DYM: variants seen among roughly 807,000 people sequenced by gnomAD.
DYM encodes the protein dymeclin, also known as dyggve-Melchior-Clausen syndrome protein.
A neutral mutation model predicts 93.1 loss-of-function variants in DYM; 78 were observed. That is an observed-to-expected ratio of 0.84 (90% confidence interval 0.70 to 1.01). DYM has a LOEUF of 1.01. Among genes scored for constraint, DYM ranks in the 50% least tolerant of loss-of-function variants. The pLI is 0.00. For missense variants in DYM, 789 were observed against 845.0 expected (o/e 0.93, Z 0.82); for synonymous variants, 321 against 319.7 (o/e 1.00, Z -0.04).
At chr18:49,235,001 C>G (rs1421526566) in intron 13 of DYM, among the ~76,000 whole-genome samples, 5 of 152,156 alleles carry the variant, frequency 3.3e-5, no homozygotes, top group Non-Finnish European at 7.3e-5. Context: ...CTAGATTCTG[C>G]CAACAACCTT....
At chr18:49,349,080 C>T (rs531543753) in intron 6 of DYM, among the ~76,000 whole-genome samples, 76 of 151,968 alleles carry the variant, frequency 5.0e-4, no homozygotes, top group African/African-American at 1.7e-3. Flanking sequence ...TGGTGGTGGG[C>T]GCCTGTAATC....
intron 1 of DYM, among the ~76,000 whole-genome samples, chr18:49,434,172 C>T (rs576670112): frequency 1.1e-4 from 17 of 152,086 alleles, no homozygotes; most frequent in Middle Eastern, 3.4e-3. Context: ...GGTGAAACCC[C>T]GTCTCTACTA....
chr18:49,103,979 T>A (rs1044454799), intron 16 of DYM, among the ~76,000 whole-genome samples: 1 of 152,174 alleles, frequency 6.6e-6, no homozygotes, highest in East Asian at 1.9e-4. Context: ...GGGGATGGCA[T>A]TGAATCTCTA....
chr18:49,445,030 A>C (rs1406960086), intron 1 of DYM, among the ~76,000 whole-genome samples: 1 of 152,206 alleles, frequency 6.6e-6, no homozygotes, highest in East Asian at 1.9e-4. Flanking sequence ...AAAAACATTC[A>C]TTCTTCTCAT....
intron 17 of DYM, among the ~76,000 whole-genome samples, chr18:49,059,771 G>GA (rs2075802229): frequency 6.6e-6 from 1 of 152,016 alleles, no homozygotes; most frequent in Non-Finnish European, 1.5e-5. Flanking sequence ...CCAAAGTGGG[G>GA]AAAATAATAC....
chr18:49,081,329 C>T lies in DYM; in HGVS notation c.2025+16073G>A, dbSNP rs894810600. Among the ~76,000 whole-genome samples, 42 of 151,808 alleles carry T rather than the reference C, an allele frequency of 2.8e-4. 1 individual carries two copies. The highest frequency in any genetic ancestry group is 9.9e-4 in the African/African-American group (41 of 41,430). On this transcript the variant is annotated intron_variant, in intron 17 of 17. Coordinates refer to ENST00000675505, the MANE Select transcript of DYM (RefSeq NM_001353214.3). ...CCAGCCCGGCCAACACAGCGAAACC[C>T]CGTCTCCACCAAAAAAGTACGAAAA... is the stretch of plus-strand genomic sequence containing the variant.
intron 16 of DYM, among the ~76,000 whole-genome samples, chr18:49,105,394 T>C (rs1205208885): frequency 1.3e-5 from 2 of 152,230 alleles, no homozygotes; most frequent in Non-Finnish European, 2.9e-5. Flanking sequence ...GGGTTTTTTG[T>C]GTCTCTATCT....
At chr18:49,310,587 G>T (rs889810363) in intron 8 of DYM, among the ~76,000 whole-genome samples, 10 of 152,088 alleles carry the variant, frequency 6.6e-5, no homozygotes, top group Non-Finnish European at 1.5e-4. Context: ...GTGGCCAAAA[G>T]AATTATTAGA....
intron 2 of DYM, among the ~76,000 whole-genome samples, chr18:49,392,444 C>T (rs1292540465): frequency 6.6e-6 from 1 of 152,052 alleles, no homozygotes; most frequent in Non-Finnish European, 1.5e-5. Flanking sequence ...TTGTAAATCA[C>T]ATATCTGATA....
chr18:49,382,770 C>T (rs1414293825), intron 3 of DYM, among the ~76,000 whole-genome samples: 1 of 152,178 alleles, frequency 6.6e-6, no homozygotes, highest in Admixed American at 6.5e-5. Context: ...GATGCTAGAG[C>T]TTGAACTTGT....
rs149553773 is a variant in DYM at position 49,155,578 on chromosome 18, A to G, written c.1728+8107T>C. 6.9e-4 allele frequency among the ~76,000 whole-genome samples: 105 copies of G among 152,350 alleles called. 1 individual carries two copies. Among genetic ancestry groups the G allele is most frequent in the African/African-American group, 2.4e-3 (101 of 41,578 alleles). On this transcript the variant is annotated intron_variant, in intron 15 of 17. Coordinates refer to ENST00000675505, the MANE Select transcript of DYM (RefSeq NM_001353214.3). ...ACACTCCAGCCCTAAGGCATCTACT[A>G]TCTACCTCTATAAGATTTGCCTATT...
intron 8 of DYM, among the ~76,000 whole-genome samples, chr18:49,289,768 T>TTG (rs1568181487): frequency 4.5e-5 from 2 of 44,684 alleles, no homozygotes; most frequent in Non-Finnish European, 8.3e-5. Flanking sequence ...TATATATATA[T>TTG]ATATACACAT....
intron 8 of DYM, among the ~76,000 whole-genome samples, chr18:49,323,453 C>G (rs1004030276): frequency 1.3e-5 from 2 of 152,196 alleles, no homozygotes; most frequent in East Asian, 3.9e-4. Flanking sequence ...AAATTCCTAT[C>G]TTGAAGCCAC....
At chr18:49,057,971 T>A (rs983555668) in intron 17 of DYM, among the ~76,000 whole-genome samples, 2 of 152,188 alleles carry the variant, frequency 1.3e-5, no homozygotes, top group Non-Finnish European at 2.9e-5. Flanking sequence ...GTTGAGGTGG[T>A]GCAGGCAGGG....
intron 17 of DYM, among the ~76,000 whole-genome samples, chr18:49,086,470 C>T (rs2078538047): frequency 6.6e-6 from 1 of 152,230 alleles, no homozygotes; most frequent in Non-Finnish European, 1.5e-5. Flanking sequence ...AAGGCCCCAC[C>T]TCTCAATACG....
intron 15 of DYM, among the ~76,000 whole-genome samples, chr18:49,161,194 T>C (rs955190421): frequency 3.9e-5 from 6 of 152,260 alleles, no homozygotes; most frequent in African/African-American, 1.4e-4. Flanking sequence ...GAAAATTTTA[T>C]ACAAGAAGAA....
chr18:49,249,319 T>A (rs1409833453), intron 13 of DYM, among the ~76,000 whole-genome samples: 1 of 152,180 alleles, frequency 6.6e-6, no homozygotes, highest in Non-Finnish European at 1.5e-5. Context: ...TTTTAAAAAA[T>A]AAGGCAATAT....
At chr18:49,217,326 C>T (rs1025545155) in intron 13 of DYM, among the ~76,000 whole-genome samples, 9 of 152,198 alleles carry the variant, frequency 5.9e-5, no homozygotes, top group African/African-American at 9.7e-5. Context: ...TTGGAAAACA[C>T]TCTGCAGGAT....
rs3084549 is a variant in DYM at position 49,254,281 on chromosome 18, C to CATAT, written c.1460+2725_1460+2728dup. Among the ~76,000 whole-genome samples, 470 of 136,228 alleles carry CATAT rather than the reference C, an allele frequency of 3.5e-3. 4 individuals carry two copies. Among genetic ancestry groups the CATAT allele is most frequent in the East Asian group, 0.012 (47 of 4,028 alleles). The allele number at this position is 136,228 out of a possible 152,430, so 89.4% of individuals were successfully genotyped here. ...TCTGCTGTATAAAAGATCCTTGTAT[C>CATAT]ATATATATATATATATATATATATA... On this transcript the variant is annotated intron_variant, in intron 13 of 17. Transcript: ENST00000675505.
Sources: gnomAD v4.1 joint callset for allele counts (sites outside exome capture counted in the v4.1 genomes callset) on GRCh38, gnomAD v4.1.1 for gene constraint, MANE v1.5 for transcripts, NCBI Gene and HGNC (gene_info 2026-07-23, HGNC 2026-07-21) for gene names.